The following GTF3C5 variants were observed in gnomAD, a reference collection of about 807,000 sequenced individuals.
GTF3C5 encodes general transcription factor 3C polypeptide 5.
GTF3C5 carries 47 observed loss-of-function variants against 61.0 expected under a neutral mutation model. The ratio of observed to expected loss-of-function variants is 0.77; its 90% CI spans 0.61 to 0.98. The LOEUF is 0.98. Ranked by LOEUF, GTF3C5 falls within the 50% of genes least tolerant of loss-of-function variation. GTF3C5 has a pLI of 0.00. For missense variants in GTF3C5, 659 were observed against 703.3 expected (o/e 0.94, Z 0.71); for synonymous variants, 295 against 275.4 (o/e 1.07, Z -0.71).
In GTF3C5 at chr9:133,058,154, T is replaced by C; in HGVS notation, c.*174T>C. On this transcript the variant is annotated 3_prime_UTR_variant, in exon 11 of 11. Transcript: ENST00000372097. The stretch of plus-strand genomic sequence containing the variant: ...GACCCTAGCACTGGCTGTGACATGC[T>C]GCTTGGTGCTGCCTCTGGTCCTGAG... The C allele has an allele frequency of 7.0e-7, 1 of 1,438,154 alleles. No homozygotes were observed. Among genetic ancestry groups the C allele is most frequent in the East Asian group, 2.6e-5 (1 of 38,926 alleles). 89.1% of individuals were successfully genotyped at this position (1,438,154 alleles called of 1,614,324 possible).
At position 133,058,467 on chromosome 9, in the gene GTF3C5, C is replaced by G. The variant is rs1830006763; in HGVS notation, c.*487C>G. 1 of 156,712 alleles carries G rather than the reference C, an allele frequency of 6.4e-6. No homozygotes were observed. Among genetic ancestry groups the G allele is most frequent in the Non-Finnish European group, 1.4e-5 (1 of 70,402 alleles). 9.7% of individuals were successfully genotyped at this position (156,712 alleles called of 1,614,324 possible). A position where few individuals can be genotyped will look rare whatever the true frequency, so the allele number is the denominator to read the frequency against. On this transcript the variant is annotated 3_prime_UTR_variant, in exon 11 of 11. Transcript: ENST00000372097. Reference sequence around the variant, plus strand: ...CACAGCTTTGGCCACAGCCAGGCCCCTCTGGAATTGTCCTTATTAAACCAG... The same window carrying G: ...CACAGCTTTGGCCACAGCCAGGCCCGTCTGGAATTGTCCTTATTAAACCAG...
chr9:133,033,131 T>C (rs1849773394), intron 1 of GTF3C5, among the ~76,000 whole-genome samples: 1 of 152,176 alleles, frequency 6.6e-6, no homozygotes, highest in South Asian at 2.1e-4. Context: ...TTTTTATTTA[T>C]AGTTAACCAC....
intron 8 of GTF3C5, chr9:133,055,537 T>G: frequency 8.4e-7 from 1 of 1,195,340 alleles, no homozygotes; most frequent in Non-Finnish European, 1.1e-6. Flanking sequence ...GCCGTTATCC[T>G]TACTCTAGAA....
chr9:133,057,189 G>C lies in GTF3C5; in HGVS notation c.1393+281G>C, dbSNP rs557481643. 7.9e-5 allele frequency among the ~76,000 whole-genome samples: 12 copies of C among 152,338 alleles called. No homozygotes were observed. In the East Asian group the frequency reaches 2.3e-3, roughly 29 times the overall value. On this transcript the variant is annotated intron_variant, in intron 10 of 10. Coordinates refer to ENST00000372097, the MANE Select transcript of GTF3C5 (RefSeq NM_012087.4). ...TGCAGCAGCCTGGCACTGCCATCGG[G>C]GCCTCCACCTGACGCCCTCACACCA...
intron 5 of GTF3C5, among the ~76,000 whole-genome samples, chr9:133,053,093 G>T (rs1469787579): frequency 6.6e-6 from 1 of 152,120 alleles, no homozygotes; most frequent in Non-Finnish European, 1.5e-5. Context: ...GCCTGTCTCG[G>T]TCTCCCAAAA....
intron 3 of GTF3C5, among the ~76,000 whole-genome samples, chr9:133,050,147 C>G (rs1369037699): frequency 6.6e-6 from 1 of 151,944 alleles, no homozygotes; most frequent in East Asian, 1.9e-4. Context: ...TGTGATGGGA[C>G]CTTTGCAGCC....
At position 133,042,132 on chromosome 9, in the gene GTF3C5, A is replaced by G. The variant is rs1850055855; in HGVS notation, c.199A>G (p.Lys67Glu). 1 of 1,613,880 alleles carries G rather than the reference A, an allele frequency of 6.2e-7. No individual in the cohort carries two copies. Among genetic ancestry groups the G allele is most frequent in the East Asian group, 2.2e-5 (1 of 44,854 alleles). Residue 67 changes from lysine (K) to glutamate (E), a missense_variant, in exon 2 of 11, where the codon AAG becomes GAG. By Grantham distance (56) the Lys-to-Glu change is moderately conservative. Transcript: ENST00000372097. ...GAGGCTGGAGCTGTACTTCCGGCCC[A>G]AGGACCCATACTGCCACCCAGTGTG... ...TKRLELYFRP[K>E]DPYCHPVCAN...
Position 133,043,886 on chromosome 9 carries a change from GC to G in GTF3C5, c.536del (p.Pro179ArgfsTer26), listed in dbSNP as rs753342533. 6.2e-7 allele frequency: 1 copy of G among 1,613,828 alleles called. No homozygotes were observed. Among genetic ancestry groups the G allele is most frequent in the South Asian group, 1.1e-5 (1 of 91,072 alleles). On this transcript the variant is annotated frameshift_variant, in exon 3 of 11. Transcript: ENST00000372097. LOFTEE classifies it high-confidence loss of function. ...CCCACCCATCTTCTCCCGGCTGGAC[GC>G]CCCGGTGGACTACTTCTACCGACCA... ...IPPPIFSRLDAPVDYFYRPET... is the reference protein window; with the variant it reads ...IPPPIFSRLDXPVDYFYRPET...
chr9:133,043,631 C>CCCACTCAG lies in GTF3C5; in HGVS notation c.374-95_374-88dup, dbSNP rs1850102736. ...TCACCCTGCAGCCTCCACCACATGG[C>CCCACTCAG]CCACTCAGCACCTCCCTAAGCAGAT... is the stretch of plus-strand genomic sequence containing the variant. On this transcript the variant is annotated intron_variant, in intron 2 of 10. Transcript: ENST00000372097. 13 of 948,348 alleles carry CCCACTCAG rather than the reference C, an allele frequency of 1.4e-5. No homozygotes were observed. The East Asian group carries it at 3.2e-4, about 23-fold the overall frequency. The allele number at this position is 948,348 out of a possible 1,614,324, so 58.7% of individuals were successfully genotyped here.
intron 3 of GTF3C5, among the ~76,000 whole-genome samples, chr9:133,046,710 T>A (rs1850218174): frequency 6.6e-6 from 1 of 151,944 alleles, no homozygotes; most frequent in Non-Finnish European, 1.5e-5. Flanking sequence ...AAGGAGATCA[T>A]GGGGAGTGGG....
chr9:133,035,739 G>A (rs977552463), intron 1 of GTF3C5, among the ~76,000 whole-genome samples: 2 of 152,200 alleles, frequency 1.3e-5, no homozygotes, highest in Admixed American at 1.3e-4. Flanking sequence ...TATTTGATCT[G>A]CAAGGTTATT....
intron 3 of GTF3C5, 52 bp from the exon 4 acceptor site, chr9:133,050,731 T>C: frequency 7.3e-7 from 1 of 1,370,878 alleles, no homozygotes. Flanking sequence ...GCCCAGCGGG[T>C]GCCTGGGATG....
rs201152861 is a variant in GTF3C5 at position 133,056,762 on chromosome 9, C to G, written c.1251-4C>G. The G allele has an allele frequency of 2.5e-6, 4 of 1,596,082 alleles. No individual in the cohort carries two copies. Among genetic ancestry groups the G allele is most frequent in the African/African-American group, 1.3e-5 (1 of 74,354 alleles). On this transcript the variant is annotated splice_polypyrimidine_tract_variant and splice_region_variant and intron_variant, in intron 9 of 10. Transcript: ENST00000372097. ...TTATGTCCCAACCCTCTCCCCACCC[C>G]CAGGTTGCAGAAGATCATTCACCGC... is the stretch of plus-strand genomic sequence containing the variant.
intron 3 of GTF3C5, among the ~76,000 whole-genome samples, chr9:133,047,166 T>C (rs1588472157): frequency 6.6e-6 from 1 of 152,066 alleles, no homozygotes; most frequent in East Asian, 1.9e-4. Flanking sequence ...AATACCAGTC[T>C]CCTACGCAAC....
At chr9:133,054,531 C>T (rs1829868959) in intron 7 of GTF3C5, 43 bp downstream of exon 7, 1 of 1,584,086 alleles carries the variant, frequency 6.3e-7, no homozygotes, top group Non-Finnish European at 8.7e-7. Context: ...AGTGATTTGC[C>T]AAGGAAGGCG....
intron 1 of GTF3C5, among the ~76,000 whole-genome samples, chr9:133,040,956 C>A (rs538239160): frequency 4.2e-4 from 64 of 152,268 alleles, no homozygotes; most frequent in Non-Finnish European, 4.4e-4. Flanking sequence ...TTATAATAAT[C>A]CTCGCTCTAT....
At chr9:133,056,939 G>A (rs758481007) in intron 10 of GTF3C5, 31 bp downstream of exon 10, 12 of 1,545,918 alleles carry the variant, frequency 7.8e-6, no homozygotes, top group Non-Finnish European at 1.0e-5. Flanking sequence ...AGGGGGTCCA[G>A]GATGCCTGGT....
rs143558287 is a variant in GTF3C5 at position 133,050,854 on chromosome 9, A to G, written c.644A>G (p.Asn215Ser). The change falls in exon 4 of 11, where the codon AAT becomes AGT. Residue 215 changes from asparagine (N) to serine (S), a missense_variant. By Grantham distance (46) the Asn-to-Ser change is conservative (BLOSUM62 1). Transcript: ENST00000372097. ...IGLSRARRPH[N>S]AIFVNFEDEE... ...CTGAGCAGAGCCCGGCGCCCCCACA[A>G]TGCCATCTTTGTCAACTTTGAGGAT... 37 of 1,613,936 alleles carry G rather than the reference A, an allele frequency of 2.3e-5. 1 individual carries two copies. The highest frequency in any genetic ancestry group is 1.1e-4 in the East Asian group (5 of 44,884).
rs1189130525 is a variant in GTF3C5, at chr9:133,055,413, A to G, written c.1168-599A>G. 6.3e-6 allele frequency: 8 copies of G among 1,277,572 alleles called. 1 individual carries two copies. The highest frequency in any genetic ancestry group is 1.0e-6 in the Non-Finnish European group (1 of 981,778). 79.1% of individuals were successfully genotyped at this position (1,277,572 alleles called of 1,614,324 possible). A position where few individuals can be genotyped will look rare whatever the true frequency, so the allele number is the denominator to read the frequency against. On this transcript the variant is annotated intron_variant, in intron 8 of 10. Transcript: ENST00000372097. Reference sequence around the variant, plus strand: ...TGATGCGAGGGACTTGCTGTCCCCCAGTGTCTGGGGCCCTGCCTATTTTCT... The same window carrying G: ...TGATGCGAGGGACTTGCTGTCCCCCGGTGTCTGGGGCCCTGCCTATTTTCT...
Sources: allele counts gnomAD v4.1 joint callset (sites outside exome capture counted in the v4.1 genomes callset), GRCh38; gene constraint gnomAD v4.1.1; transcripts MANE v1.5; gene names NCBI Gene and HGNC (gene_info 2026-07-23, HGNC 2026-07-21).